The following SIM1 variants were observed in gnomAD, a reference collection of about 807,000 sequenced individuals.
SIM1 encodes the protein single-minded homolog 1.
A neutral mutation model predicts 78.2 loss-of-function variants in SIM1; 18 were observed. The ratio of observed to expected loss-of-function variants is 0.23; its 90% CI spans 0.16 to 0.34. The LOEUF (loss-of-function observed/expected upper bound fraction) is 0.34, where lower values mean the gene tolerates loss of function less well. Among genes scored for constraint, SIM1 ranks in the 10% least tolerant of loss-of-function variants. SIM1 has a pLI of 1.00. For missense variants in SIM1, 939 were observed against 975.1 expected, an observed-to-expected ratio of 0.96 and a Z score of 0.49; for synonymous variants, 417 against 385.2, an observed-to-expected ratio of 1.08 and a Z score of -0.97.
chr6:100,458,701 G>T (rs1364091671), intron 2 of SIM1, among the ~76,000 whole-genome samples: 3 of 152,168 alleles, frequency 2.0e-5, no homozygotes, highest in African/African-American at 7.2e-5. Flanking sequence ...TGCTTCGGGC[G>T]GTGCGGGAGG....
intron 10 of SIM1, among the ~76,000 whole-genome samples, chr6:100,416,899 A>C (rs1771414634): frequency 1.3e-5 from 2 of 152,124 alleles, no homozygotes; most frequent in Non-Finnish European, 2.9e-5. Context: ...CCAGACTATT[A>C]AAATTTGTCC....
chr6:100,423,212 C>G (rs1157409512), intron 9 of SIM1, among the ~76,000 whole-genome samples: 1 of 152,198 alleles, frequency 6.6e-6, no homozygotes, highest in East Asian at 1.9e-4. Context: ...TTCAAAATTT[C>G]CCTTCATCTA....
At chr6:100,429,368 C>CAAA (rs34978126) in intron 9 of SIM1, among the ~76,000 whole-genome samples, 1 of 133,234 alleles carries the variant, frequency 7.5e-6, no homozygotes. Flanking sequence ...GACTCTGTCT[C>CAAA]AAAAAAAAAA....
chr6:100,394,002 T>C, intron 10 of SIM1, 113 bp from the exon 11 acceptor site: 1 of 1,129,306 alleles, frequency 8.9e-7, no homozygotes, highest in Non-Finnish European at 1.2e-6. Flanking sequence ...TAAGGTCTCA[T>C]TGTCCTGAGG....
chr6:100,391,144 T>G, intron 11 of SIM1, 53 bp from the exon 12 acceptor site: 5 of 1,514,442 alleles, frequency 3.3e-6, no homozygotes, highest in Non-Finnish European at 4.4e-6. Flanking sequence ...ACCCTCAAAA[T>G]AAGTATATTT....
At position 100,388,732 on chromosome 6, in the gene SIM1, G is replaced by A. The variant is rs571866024; in HGVS notation, c.*1629C>T. 1.6e-4 allele frequency: 24 copies of A among 152,110 alleles called. No homozygotes were observed. Among genetic ancestry groups the A allele is most frequent in the South Asian group, 4.2e-4 (2 of 4,816 alleles). The allele number at this position is 152,110 out of a possible 1,614,324, so 9.4% of individuals were successfully genotyped here. A position where few individuals can be genotyped will look rare whatever the true frequency, so the allele number is the denominator to read the frequency against. ...TAAATATGGCAAGAGTTTTGGGCACGGGACTCCTAGGAAATATTATCTATG... is the reference window on the plus strand; with the variant it reads ...TAAATATGGCAAGAGTTTTGGGCACAGGACTCCTAGGAAATATTATCTATG... On this transcript the variant is annotated 3_prime_UTR_variant, in exon 12 of 12. Coordinates refer to ENST00000369208, the MANE Select transcript of SIM1 (RefSeq NM_005068.3).
At chr6:100,432,511 C>A (rs1771929802) in intron 9 of SIM1, among the ~76,000 whole-genome samples, 1 of 151,960 alleles carries the variant, frequency 6.6e-6, no homozygotes, top group Non-Finnish European at 1.5e-5. Flanking sequence ...AGGGAGGGTT[C>A]CAAGGACAAA....
intron 10 of SIM1, among the ~76,000 whole-genome samples, chr6:100,416,999 T>C (rs1446213751): frequency 6.6e-6 from 1 of 151,832 alleles, no homozygotes; most frequent in African/African-American, 2.4e-5. Context: ...AAACAAACTC[T>C]AAACTCTTTG....
chr6:100,409,334 G>A (rs140752375), intron 10 of SIM1, among the ~76,000 whole-genome samples: 1 of 152,064 alleles, frequency 6.6e-6, no homozygotes, highest in Non-Finnish European at 1.5e-5. Context: ...GCATATAATT[G>A]TTCATAGGGG....
Position 100,448,263 on chromosome 6 carries a change from C to T in SIM1, c.744-11G>A, listed in dbSNP as rs1772413704. 1.2e-6 allele frequency: 2 copies of T among 1,603,766 alleles called. No homozygotes were observed. The highest frequency in any genetic ancestry group is 1.1e-5 in the South Asian group (1 of 90,216). ...GTCAGCTCCGCCACCCTGAGGAGAG[C>T]AATCCCTGCAGGATGAATGCAGGCG... is the stretch of plus-strand genomic sequence containing the variant. On this transcript the variant is annotated splice_polypyrimidine_tract_variant and intron_variant, in intron 7 of 11. Transcript: ENST00000369208.
chr6:100,444,544 G>A (rs775572980), intron 9 of SIM1, among the ~76,000 whole-genome samples: 26 of 151,996 alleles, frequency 1.7e-4, no homozygotes, highest in Middle Eastern at 3.4e-3. Flanking sequence ...GGGAATTTTC[G>A]GAATTTACTC....
intron 9 of SIM1, among the ~76,000 whole-genome samples, chr6:100,439,066 C>T (rs997133539): frequency 2.6e-5 from 4 of 151,950 alleles, no homozygotes; most frequent in African/African-American, 4.8e-5. Flanking sequence ...AGGAATTTAT[C>T]CATGTAACCA....
At chr6:100,446,941 CCT>C (rs969741600) in intron 9 of SIM1, among the ~76,000 whole-genome samples, 4 of 152,124 alleles carry the variant, frequency 2.6e-5, no homozygotes, top group African/African-American at 9.7e-5. Context: ...TAGATCCTTT[CCT>C]CTCTCTCTCT....
intron 9 of SIM1, among the ~76,000 whole-genome samples, chr6:100,429,753 CT>C (rs1179143625): frequency 1.3e-5 from 2 of 152,112 alleles, no homozygotes; most frequent in Admixed American, 6.6e-5. Flanking sequence ...TAAAAAAACA[CT>C]AATTGAGGGA....
chr6:100,445,373 A>G (rs1200316861), intron 9 of SIM1, among the ~76,000 whole-genome samples: 2 of 152,054 alleles, frequency 1.3e-5, no homozygotes, highest in Non-Finnish European at 2.9e-5. Context: ...GTTTATTTCC[A>G]TTTTCATTCA....
intron 9 of SIM1, 50 bp from the exon 10 acceptor site, chr6:100,421,008 T>C (rs1247855209): frequency 6.4e-7 from 1 of 1,570,606 alleles, no homozygotes. Flanking sequence ...AGGAAATGGA[T>C]TCATGCATAC....
Position 100,448,633 on chromosome 6 carries a change from C to T in SIM1, c.589G>A (p.Asp197Asn). The change falls in exon 7 of 12, where the codon GAC becomes AAC. Residue 197 changes from aspartate (D) to asparagine (N), a missense_variant. Asp to Asn is a conservative substitution (Grantham distance 23). Transcript: ENST00000369208. ...TAGCAGCCGTCGAAGGGGGACATGT[C>T]CAGGCTGTACTGGCGGATCTTCAAG... is the stretch of plus-strand genomic sequence containing the variant. ...GYLKIRQYSL[D>N]MSPFDGCYQN... 6.2e-7 allele frequency: 1 copy of T among 1,613,702 alleles called. No individual in the cohort carries two copies.
At chr6:100,436,521 A>G (rs1040900115) in intron 9 of SIM1, among the ~76,000 whole-genome samples, 6 of 152,188 alleles carry the variant, frequency 3.9e-5, no homozygotes, top group Non-Finnish European at 7.3e-5. Flanking sequence ...GTTCATTGGC[A>G]AGACAAAAAT....
chr6:100,440,490 C>T (rs754738126), intron 9 of SIM1, among the ~76,000 whole-genome samples: 1 of 152,230 alleles, frequency 6.6e-6, no homozygotes, highest in Non-Finnish European at 1.5e-5. Flanking sequence ...AAAGTAACTT[C>T]TCCTTTCAGT....
Sources: gnomAD v4.1 joint callset for allele counts (sites outside exome capture counted in the v4.1 genomes callset) on GRCh38, gnomAD v4.1.1 for gene constraint, MANE v1.5 for transcripts, NCBI Gene and HGNC (gene_info 2026-07-23, HGNC 2026-07-21) for gene names.